CAMK2D: variants seen among roughly 807,000 people sequenced by gnomAD.
CAMK2D encodes the protein calcium/calmodulin dependent protein kinase II delta, also known as calcium/calmodulin-dependent protein kinase type II subunit delta.
CAMK2D carries 37 observed loss-of-function variants against 84.0 expected under a neutral mutation model. The observed-to-expected ratio is 0.44, with a 90% CI of 0.34 to 0.58. CAMK2D has a LOEUF of 0.58. Among genes scored for constraint, CAMK2D ranks in the 20% least tolerant of loss-of-function variants. The pLI, the probability that CAMK2D is intolerant of heterozygous loss-of-function variation, is 0.02. For missense variants in CAMK2D, 448 were observed against 652.5 expected (o/e 0.69, Z 3.41); for synonymous variants, 202 against 212.5 (o/e 0.95, Z 0.43).
chr4:113,497,735 G>A (rs957713092), intron 16 of CAMK2D, among the ~76,000 whole-genome samples: 1 of 152,188 alleles, frequency 6.6e-6, no homozygotes, highest in African/African-American at 2.4e-5. Flanking sequence ...AATGTGCACT[G>A]CCTTGGTATG....
At chr4:113,679,723 A>G (rs2099334325) in intron 2 of CAMK2D, among the ~76,000 whole-genome samples, 1 of 152,206 alleles carries the variant, frequency 6.6e-6, no homozygotes, top group Admixed American at 6.5e-5. Flanking sequence ...AGGAAATCTA[A>G]TTTGGAAATA....
chr4:113,472,717 A>C (rs1323741624), intron 16 of CAMK2D, among the ~76,000 whole-genome samples: 1 of 152,218 alleles, frequency 6.6e-6, no homozygotes, highest in Non-Finnish European at 1.5e-5. Flanking sequence ...GCAGAGTGTC[A>C]TATGTTGAAA....
intron 8 of CAMK2D, among the ~76,000 whole-genome samples, chr4:113,524,452 G>T (rs1454722333): frequency 2.0e-5 from 3 of 152,138 alleles, no homozygotes; most frequent in South Asian, 2.1e-4. Context: ...CATCCATGTT[G>T]TAGCACGGGA....
intron 13 of CAMK2D, chr4:113,508,097 G>A (rs773248831): frequency 4.3e-5 from 27 of 634,074 alleles, no homozygotes; most frequent in South Asian, 4.0e-4. Context: ...GAGAAGTACC[G>A]TGTTTTGATA....
intron 3 of CAMK2D, among the ~76,000 whole-genome samples, chr4:113,621,917 T>A (rs1228315197): frequency 6.6e-6 from 1 of 152,184 alleles, no homozygotes. Context: ...ATCTAACAAG[T>A]CATAGGTTTT....
At chr4:113,732,568 T>C (rs1218070692) in intron 2 of CAMK2D, among the ~76,000 whole-genome samples, 2 of 152,200 alleles carry the variant, frequency 1.3e-5, no homozygotes, top group African/African-American at 4.8e-5. Context: ...CACTATGGTA[T>C]CAATTACATG....
chr4:113,674,735 A>G (rs2099311186), intron 2 of CAMK2D, among the ~76,000 whole-genome samples: 1 of 152,122 alleles, frequency 6.6e-6, no homozygotes, highest in Non-Finnish European at 1.5e-5. Flanking sequence ...TAATCCACAG[A>G]TATTCTCAGA....
chr4:113,688,685 C>A (rs2099367306), intron 2 of CAMK2D, among the ~76,000 whole-genome samples: 1 of 152,074 alleles, frequency 6.6e-6, no homozygotes, highest in African/African-American at 2.4e-5. Context: ...TTCATCCCTG[C>A]ATTCAGTCAC....
chr4:113,568,818 G>T (rs2098738512), intron 4 of CAMK2D, among the ~76,000 whole-genome samples: 1 of 151,878 alleles, frequency 6.6e-6, no homozygotes, highest in Non-Finnish European at 1.5e-5. Flanking sequence ...TTTCACGGTG[G>T]TTTGATGTGT....
intron 2 of CAMK2D, among the ~76,000 whole-genome samples, chr4:113,756,459 A>T (rs948640700): frequency 6.6e-6 from 1 of 152,050 alleles, no homozygotes; most frequent in Non-Finnish European, 1.5e-5. Flanking sequence ...AAAAGCTTCC[A>T]TATGCAACTC....
intron 8 of CAMK2D, among the ~76,000 whole-genome samples, chr4:113,529,722 T>C (rs528474647): frequency 1.9e-4 from 29 of 152,240 alleles, no homozygotes; most frequent in Non-Finnish European, 3.8e-4. Context: ...AGTTGGCTGA[T>C]AGAGGCCTAA....
At chr4:113,693,015 A>G (rs948950463) in intron 2 of CAMK2D, among the ~76,000 whole-genome samples, 1 of 152,182 alleles carries the variant, frequency 6.6e-6, no homozygotes, top group Non-Finnish European at 1.5e-5. Flanking sequence ...ACCCACAGGA[A>G]GTCATTATGT....
chr4:113,746,954 A>C (rs1204423733), intron 2 of CAMK2D, among the ~76,000 whole-genome samples: 1 of 148,518 alleles, frequency 6.7e-6, no homozygotes, highest in East Asian at 2.0e-4. Context: ...ATCAACCAAA[A>C]AAAAAAAAAA....
chr4:113,503,912 C>T (rs772116568), intron 14 of CAMK2D, among the ~76,000 whole-genome samples: 73 of 152,242 alleles, frequency 4.8e-4, no homozygotes, highest in Middle Eastern at 3.4e-3. Flanking sequence ...ACTGGGAGTT[C>T]TCAATCATGG....
intron 3 of CAMK2D, among the ~76,000 whole-genome samples, chr4:113,619,486 C>T (rs1450464607): frequency 3.9e-5 from 6 of 152,124 alleles, no homozygotes; most frequent in Non-Finnish European, 7.4e-5. Context: ...CCTCGCTCCA[C>T]CCTCATTATC....
rs186449077 is a variant in CAMK2D at position 113,637,370 on chromosome 4, A to C, written c.220+24343T>G. Among the ~76,000 whole-genome samples, 513 of 152,344 alleles carry C rather than the reference A, an allele frequency of 3.4e-3. 1 individual carries two copies. The highest frequency in any genetic ancestry group is 6.2e-3 in the Admixed American group (95 of 15,298). On this transcript the variant is annotated intron_variant, in intron 3 of 20. Transcript: ENST00000511664. ...AAAATAGTTCTATATTCAAAATGGA[A>C]CATATCCCCCAATGTTTCATTTTGT...
Position 113,761,427 on chromosome 4 carries a change from G to A in CAMK2D, c.-359C>T, listed in dbSNP as rs1022239608. The A allele has an allele frequency of 6.7e-6, 8 of 1,202,938 alleles. No individual in the cohort carries two copies. In the Admixed American group the frequency reaches 2.6e-4, roughly 39 times the overall value. 74.5% of individuals were successfully genotyped at this position (1,202,938 alleles called of 1,614,324 possible). ...GGAAATGGAAAAACAGCCAGGCACG[G>A]GACGAGTGGCAAGCAGTTGCGAAAC... On this transcript the variant is annotated 5_prime_UTR_variant, in exon 1 of 21. Coordinates refer to ENST00000511664, the MANE Select transcript of CAMK2D (RefSeq NM_001321571.2).
intron 2 of CAMK2D, among the ~76,000 whole-genome samples, chr4:113,687,136 G>C (rs2099362341): frequency 6.6e-6 from 1 of 152,006 alleles, no homozygotes; most frequent in African/African-American, 2.4e-5. Flanking sequence ...TCTGAGTATG[G>C]AAAATTATTA....
At chr4:113,706,889 A>T (rs542204911) in intron 2 of CAMK2D, among the ~76,000 whole-genome samples, 1 of 152,306 alleles carries the variant, frequency 6.6e-6, no homozygotes, top group Admixed American at 6.5e-5. Flanking sequence ...TTAACAACAC[A>T]ATCACTTTGA....
Sources: allele counts gnomAD v4.1 joint callset (sites outside exome capture counted in the v4.1 genomes callset), GRCh38; gene constraint gnomAD v4.1.1; transcripts MANE v1.5; gene names NCBI Gene and HGNC (gene_info 2026-07-23, HGNC 2026-07-21).